The following BCAS3 variants were observed in gnomAD, a reference collection of about 807,000 sequenced individuals.
The protein encoded by BCAS3 is BCAS4/BCAS3 fusion.
Under a neutral mutation model 116.1 loss-of-function variants are expected in BCAS3, and 53 were observed. That is an observed-to-expected ratio of 0.46 (90% CI 0.37 to 0.57). The LOEUF is 0.57. Among genes scored for constraint, BCAS3 ranks in the 20% least tolerant of loss-of-function variants. The pLI is 0.00. For synonymous variants in BCAS3, 391 were observed against 408.2 expected (o/e 0.96, Z 0.51); for missense variants, 917 against 1,165.4 (o/e 0.79, Z 3.10).
At chr17:60,722,811 T>C (rs958680651) in intron 5 of BCAS3, among the ~76,000 whole-genome samples, 4 of 151,756 alleles carry the variant, frequency 2.6e-5, no homozygotes, top group Admixed American at 6.6e-5. Flanking sequence ...CTCATGCCTG[T>C]AATCCTGGCA....
Position 61,343,908 on chromosome 17 carries a change from C to G in BCAS3, c.2426-24419C>G, listed in dbSNP as rs1291931327. Among the ~76,000 whole-genome samples the G allele has an allele frequency of 6.6e-6, 1 of 152,204 alleles. No homozygotes were observed. The highest frequency in any genetic ancestry group is 6.5e-5 in the Admixed American group (1 of 15,280). ...GGACCACCTCCTCCCCTTTCGCTTC[C>G]TTCCACACAGTCCAGTGCTTTGTTA... On this transcript the variant is annotated intron_variant, in intron 22 of 23. Coordinates refer to ENST00000407086, the MANE Select transcript of BCAS3 (RefSeq NM_017679.5). The surrounding 1 kb of genome is among the most constrained non-coding windows in gnomAD (Gnocchi z 5.5).
intron 22 of BCAS3, among the ~76,000 whole-genome samples, chr17:61,133,618 T>C (rs1173217845): frequency 1.3e-5 from 2 of 152,114 alleles, no homozygotes; most frequent in African/African-American, 4.8e-5. Flanking sequence ...CCCTCAAGTA[T>C]TGATACACTC....
At chr17:60,720,890 G>A (rs939288646) in intron 5 of BCAS3, among the ~76,000 whole-genome samples, 1 of 152,142 alleles carries the variant, frequency 6.6e-6, no homozygotes, top group Admixed American at 6.5e-5. Context: ...GTTAGTATTT[G>A]TAGTGTTTTC....
intron 6 of BCAS3, among the ~76,000 whole-genome samples, chr17:60,804,306 C>A (rs538718798): frequency 2.0e-5 from 3 of 151,396 alleles, no homozygotes; most frequent in Non-Finnish European, 2.9e-5. Context: ...CATGGTGAAA[C>A]CCCATCTCTA....
At position 61,067,273 on chromosome 17, in the gene BCAS3, G is replaced by GTGTGTGTATATATA. The variant is rs1251223420; in HGVS notation, c.2030-7646_2030-7645insGTGTGTATATATAT. On this transcript the variant is annotated intron_variant, in intron 19 of 23. Coordinates refer to ENST00000407086, the MANE Select transcript of BCAS3 (RefSeq NM_017679.5). ...CATAACTTTATTTATGTGTGTATGT[G>GTGTGTGTATATATA]TATATATATATATATATATATATAT... Among the ~76,000 whole-genome samples, 70 of 58,786 alleles carry GTGTGTGTATATATA rather than the reference G, an allele frequency of 1.2e-3. 1 individual carries two copies. Among genetic ancestry groups the GTGTGTGTATATATA allele is most frequent in the African/African-American group, 5.6e-3 (65 of 11,574 alleles). The allele number at this position is 58,786 out of a possible 152,430, so 38.6% of individuals were successfully genotyped here. A position where few individuals can be genotyped will look rare whatever the true frequency, so the allele number is the denominator to read the frequency against.
At chr17:60,868,529 T>C (rs1409413302) in intron 7 of BCAS3, 47 bp from the exon 8 acceptor site, 2 of 1,240,652 alleles carry the variant, frequency 1.6e-6, no homozygotes, top group Non-Finnish European at 2.2e-6. Context: ...ATTATTGGTC[T>C]TTCTTTTTTA....
rs900347008 is a variant in BCAS3, at chr17:61,315,237, C to G, written c.2426-53090C>G. Among the ~76,000 whole-genome samples, 4 of 152,150 alleles carry G rather than the reference C, an allele frequency of 2.6e-5. No individual in the cohort carries two copies. The highest frequency in any genetic ancestry group is 4.4e-5 in the Non-Finnish European group (3 of 68,028). ...TAAAGCAATTCTCGTGTCTCAGCCT[C>G]CCAAGTAGCTGGGATTATAGGCGCC... On this transcript the variant is annotated intron_variant, in intron 22 of 23. Transcript: ENST00000407086. This position sits in a 1 kb window ranked among gnomAD's most constrained non-coding sequence, Gnocchi z 5.3.
intron 22 of BCAS3, among the ~76,000 whole-genome samples, chr17:61,303,282 A>G (rs1197366036): frequency 6.6e-6 from 1 of 152,194 alleles, no homozygotes; most frequent in Non-Finnish European, 1.5e-5. Flanking sequence ...AAACAAGAAT[A>G]AAATAGTCCC....
At chr17:61,351,246 C>T (rs1417654624) in intron 22 of BCAS3, among the ~76,000 whole-genome samples, 1 of 152,160 alleles carries the variant, frequency 6.6e-6, no homozygotes, top group Non-Finnish European at 1.5e-5. Context: ...AATATTAAAG[C>T]TATTGTAAAG....
chr17:61,111,402 G>T (rs998933303), intron 22 of BCAS3, among the ~76,000 whole-genome samples: 4 of 149,780 alleles, frequency 2.7e-5, no homozygotes, highest in Admixed American at 2.7e-4. Context: ...GGAGCTGATG[G>T]AGCTGAAAAC....
rs1431339343 is a variant in BCAS3 at position 61,307,021 on chromosome 17, GC to G, written c.2426-61304del. 2.0e-5 allele frequency among the ~76,000 whole-genome samples: 3 copies of G among 152,202 alleles called. No individual in the cohort carries two copies. Among genetic ancestry groups the G allele is most frequent in the African/African-American group, 7.2e-5 (3 of 41,460 alleles). Reference sequence around the variant, plus strand: ...GGCCAATTTGGCATCAGGGCTCTGGGCCTTTGCCCCCAGCTTCTGTGATTCT... The same window carrying G: ...GGCCAATTTGGCATCAGGGCTCTGGGCTTTGCCCCCAGCTTCTGTGATTCT... On this transcript the variant is annotated intron_variant, in intron 22 of 23. Coordinates refer to ENST00000407086, the MANE Select transcript of BCAS3 (RefSeq NM_017679.5). The surrounding 1 kb of genome is among the most constrained non-coding windows in gnomAD (Gnocchi z 4.7).
In BCAS3 at chr17:61,333,948, T is replaced by C. The variant is rs74395369; in HGVS notation, c.2426-34379T>C. The stretch of plus-strand genomic sequence containing the variant: ...TTCTTGAACCTTTCTGGTCATTTGC[T>C]TCCCTGATTGAGAGATGAGTCAGCA... On this transcript the variant is annotated intron_variant, in intron 22 of 23. Transcript: ENST00000407086. The surrounding 1 kb of genome is among the most constrained non-coding windows in gnomAD (Gnocchi z 4.8). Among the ~76,000 whole-genome samples, 2,323 of 152,288 alleles carry C rather than the reference T, an allele frequency of 0.015. 56 individuals carry two copies. Among genetic ancestry groups the C allele is most frequent in the African/African-American group, 0.051 (2,128 of 41,564 alleles).
intron 22 of BCAS3, among the ~76,000 whole-genome samples, chr17:61,153,422 T>A (rs898637755): frequency 6.6e-6 from 1 of 152,338 alleles, no homozygotes; most frequent in South Asian, 2.1e-4. Flanking sequence ...CTCTGTTTTC[T>A]TACTATTTTA....
At chr17:61,329,496 A>G (rs969540658) in intron 22 of BCAS3, among the ~76,000 whole-genome samples, 1 of 151,558 alleles carries the variant, frequency 6.6e-6, no homozygotes, top group Non-Finnish European at 1.5e-5. Flanking sequence ...GCCCGCCACC[A>G]CGCCCGGCTA....
At position 61,007,601 on chromosome 17, in the gene BCAS3, T is replaced by C. The variant is rs779446889; in HGVS notation, c.1487-8150T>C. On this transcript the variant is annotated intron_variant, in intron 15 of 23. Coordinates refer to ENST00000407086, the MANE Select transcript of BCAS3 (RefSeq NM_017679.5). This position sits in a 1 kb window ranked among gnomAD's most constrained non-coding sequence, Gnocchi z 4.3. The stretch of plus-strand genomic sequence containing the variant: ...ATTCTCCTGAAAGTACACTTTTAAT[T>C]CTAGTGACATTTAATAAGCCCTAGG... Among the ~76,000 whole-genome samples the C allele has an allele frequency of 2.6e-5, 4 of 152,004 alleles. No individual in the cohort carries two copies. The highest frequency in any genetic ancestry group is 6.6e-5 in the Admixed American group (1 of 15,228).
At chr17:60,689,952 C>G (rs1407068977) in intron 4 of BCAS3, among the ~76,000 whole-genome samples, 191 bp downstream of exon 4, 1 of 152,118 alleles carries the variant, frequency 6.6e-6, no homozygotes, top group Non-Finnish European at 1.5e-5. Context: ...CTTAAAGTAA[C>G]TATAACACAG....
At chr17:60,898,938 C>T (rs1041592184) in intron 10 of BCAS3, among the ~76,000 whole-genome samples, 2 of 152,064 alleles carry the variant, frequency 1.3e-5, no homozygotes, top group Admixed American at 1.3e-4. Flanking sequence ...AGATAAGGCC[C>T]AACCTCAGAC....
chr17:60,753,400 T>TTTATTTA lies in BCAS3; in HGVS notation c.403+6124_403+6130dup, dbSNP rs2042678999. Among the ~76,000 whole-genome samples the TTTATTTA allele has an allele frequency of 4.1e-5, 6 of 147,654 alleles. No homozygotes were observed. In the South Asian group the frequency reaches 1.1e-3, roughly 26 times the overall value. On this transcript the variant is annotated intron_variant, in intron 6 of 23. Coordinates refer to ENST00000407086, the MANE Select transcript of BCAS3 (RefSeq NM_017679.5). Reference sequence around the variant, plus strand: ...GTCTCTTATTTTATTTATTTATTTATTTATTTATTTATTTATTTATTTATT... The same window carrying TTTATTTA: ...GTCTCTTATTTTATTTATTTATTTATTTATTTATTATTTATTTATTTATTTATTTATT...
At chr17:60,987,752 A>C (rs561481006) in intron 14 of BCAS3, among the ~76,000 whole-genome samples, 37 of 152,004 alleles carry the variant, frequency 2.4e-4, no homozygotes, top group Non-Finnish European at 4.4e-4. Context: ...GGTTTTTCTG[A>C]ATATAAGATC....
Sources: allele counts gnomAD v4.1 joint callset (sites outside exome capture counted in the v4.1 genomes callset), GRCh38; gene constraint gnomAD v4.1.1; non-coding constraint Gnocchi (gnomAD v3.1); transcripts MANE v1.5; gene names NCBI Gene and HGNC (gene_info 2026-07-23, HGNC 2026-07-21).